The following CD109 variants were observed in gnomAD, a reference collection of about 807,000 sequenced individuals.
CD109 encodes CD109 antigen.
CD109 carries 149 observed loss-of-function variants against 165.8 expected under a neutral mutation model. The observed-to-expected ratio is 0.90, with a 90% confidence interval of 0.79 to 1.03. CD109 has a LOEUF of 1.03. Ranked by LOEUF, CD109 falls within the 50% of genes least tolerant of loss-of-function variation. The pLI is 0.00. For synonymous variants in CD109, 585 were observed against 592.1 expected, an observed-to-expected ratio of 0.99 and a Z score of 0.18; for missense variants, 1,712 against 1,677.8, an observed-to-expected ratio of 1.02 and a Z score of -0.36.
chr6:73,768,091 C>A lies in CD109; in HGVS notation c.1534C>A (p.Gln512Lys). 6.2e-7 allele frequency: 1 copy of A among 1,613,328 alleles called. No homozygotes were observed. The highest frequency in any genetic ancestry group is 8.5e-7 in the Non-Finnish European group (1 of 1,179,584). The change falls in exon 14 of 33, where the codon CAA becomes AAA. Residue 512 changes from glutamine (Q) to lysine (K), a missense_variant. Physicochemically the swap from Gln to Lys is moderately conservative, Grantham distance 53. Transcript: ENST00000287097. Reference protein sequence around the residue: ...SRGQLVAVGKQNSTMFSLTPE... With the variant: ...SRGQLVAVGKKNSTMFSLTPE... ...GGGACAGTTGGTGGCTGTAGGAAAACAAAATTCAACAATGTTCTCTTTAAC... is the reference window on the plus strand; with the variant it reads ...GGGACAGTTGGTGGCTGTAGGAAAAAAAAATTCAACAATGTTCTCTTTAAC...
Position 73,760,190 on chromosome 6 carries a change from A to G in CD109, c.758+1162A>G, listed in dbSNP as rs987936338. Among the ~76,000 whole-genome samples, 47 of 151,212 alleles carry G rather than the reference A, an allele frequency of 3.1e-4. No individual in the cohort carries two copies. In the East Asian group the frequency reaches 9.1e-3, roughly 29 times the overall value. On this transcript the variant is annotated intron_variant, in intron 7 of 32. Coordinates refer to ENST00000287097, the MANE Select transcript of CD109 (RefSeq NM_133493.5). ...TGGGAGGCCGAGGCGGGCGGGTCACAAGGTCAGGAGATCGAGACCATCTTG... is the reference window on the plus strand; with the variant it reads ...TGGGAGGCCGAGGCGGGCGGGTCACGAGGTCAGGAGATCGAGACCATCTTG...
At position 73,749,050 on chromosome 6, in the gene CD109, G is replaced by A. The variant is rs971807290; in HGVS notation, c.634-7593G>A. The stretch of plus-strand genomic sequence containing the variant: ...AATAGGTTTAGGCATAGTCAGGTTA[G>A]TAGGGATCGGAATAAAGCTAAAAAT... On this transcript the variant is annotated intron_variant, in intron 5 of 32. Transcript: ENST00000287097. 3.3e-5 allele frequency among the ~76,000 whole-genome samples: 5 copies of A among 152,330 alleles called. No individual in the cohort carries two copies. In the East Asian group the frequency reaches 9.6e-4, roughly 29 times the overall value.
chr6:73,748,495 A>G (rs1773065221), intron 5 of CD109, among the ~76,000 whole-genome samples: 1 of 152,194 alleles, frequency 6.6e-6, no homozygotes, highest in Non-Finnish European at 1.5e-5. Flanking sequence ...ACATACTCAC[A>G]TATGTGGTTA....
At chr6:73,749,387 G>A (rs1040796146) in intron 5 of CD109, among the ~76,000 whole-genome samples, 1 of 152,156 alleles carries the variant, frequency 6.6e-6, no homozygotes, top group Non-Finnish European at 1.5e-5. Context: ...TGTAGGATTT[G>A]GATGGGAAGT....
intron 3 of CD109, among the ~76,000 whole-genome samples, chr6:73,729,486 CTATTGTTATTAT>C (rs1772266254): frequency 1.5e-5 from 2 of 131,848 alleles, no homozygotes; most frequent in African/African-American, 6.1e-5. Flanking sequence ...GGTAGGACTT[CTATTGTTATTAT>C]TATTATTATT....
chr6:73,707,597 G>A (rs1771330895), intron 2 of CD109, among the ~76,000 whole-genome samples: 1 of 152,058 alleles, frequency 6.6e-6, no homozygotes, highest in Admixed American at 6.6e-5. Context: ...GCATTGTTGA[G>A]AGGATTAAAT....
intron 27 of CD109, 88 bp downstream of exon 27, chr6:73,810,262 ATATT>A: frequency 3.0e-6 from 1 of 337,842 alleles, no homozygotes; most frequent in African/African-American, 2.2e-5. Flanking sequence ...TATATAGTAT[ATATT>A]ATATAAATCA....
upstream of CD109, chr6:73,696,015 T>G: frequency 3.7e-6 from 2 of 538,800 alleles, no homozygotes; most frequent in East Asian, 3.7e-5. Context: ...AGAAGCGCCA[T>G]TGTAATGGGG....
intron 5 of CD109, among the ~76,000 whole-genome samples, chr6:73,751,555 G>C (rs9343072): frequency 0.6 from 91,422 of 151,948 alleles, 28,428 homozygotes; most frequent in East Asian, 0.85. Flanking sequence ...CTCTGATCCT[G>C]AACATTCAGG....
chr6:73,755,000 A>C (rs933419899), intron 5 of CD109, among the ~76,000 whole-genome samples: 3 of 152,194 alleles, frequency 2.0e-5, no homozygotes, highest in Non-Finnish European at 4.4e-5. Flanking sequence ...ATATGAATGA[A>C]ACTTGAGAAA....
At chr6:73,809,008 A>G (rs551031102) in intron 26 of CD109, among the ~76,000 whole-genome samples, 1 of 152,294 alleles carries the variant, frequency 6.6e-6, no homozygotes, top group East Asian at 1.9e-4. Context: ...CTTGTTACCT[A>G]TTCCAAAGCT....
chr6:73,782,701 C>T lies in CD109; in HGVS notation c.2051C>T (p.Pro684Leu). 3.1e-6 allele frequency: 5 copies of T among 1,613,850 alleles called. No individual in the cohort carries two copies. Among genetic ancestry groups the T allele is most frequent in the Non-Finnish European group, 4.2e-6 (5 of 1,179,818 alleles). The stretch of plus-strand genomic sequence containing the variant: ...CATGACTTTTCTTTGGGTAGCAGTC[C>T]ACATGTCCGAAAGCATTTTCCAGAG... ...DIHDFSLGSS[P>L]HVRKHFPETW... The change falls in exon 18 of 33, where the codon CCA becomes CTA. Residue 684 changes from proline to leucine, a missense_variant. By Grantham distance (98) the Pro-to-Leu change is moderately conservative. Transcript: ENST00000287097.
Position 73,806,830 on chromosome 6 carries a change from C to T in CD109, c.2961-14C>T, listed in dbSNP as rs1353522949. 1.3e-6 allele frequency: 2 copies of T among 1,591,776 alleles called. No homozygotes were observed. The highest frequency in any genetic ancestry group is 2.2e-5 in the East Asian group (1 of 44,624). On this transcript the variant is annotated splice_polypyrimidine_tract_variant and intron_variant, in intron 24 of 32. Transcript: ENST00000287097. ...AAAGTGTATTTTATGTAATTTTTTT[C>T]TCTTTTCATAAAGGTTGTCAGCTTT...
chr6:73,783,681 G>A (rs756335721), intron 18 of CD109, 26 bp from the exon 19 acceptor site: 5 of 1,309,512 alleles, frequency 3.8e-6, no homozygotes, highest in Non-Finnish European at 5.5e-6. Context: ...GTTTTGTGAT[G>A]TTTATATTTA....
Position 73,756,625 on chromosome 6 carries a change from T to C in CD109, c.634-18T>C, listed in dbSNP as rs780593778. On this transcript the variant is annotated intron_variant, in intron 5 of 32. Coordinates refer to ENST00000287097, the MANE Select transcript of CD109 (RefSeq NM_133493.5). ...ACTCATATACTTTCCTGTCTTTTTTTTCTCCCCTGCCCAATAGGACCAGAC... is the reference window on the plus strand; with the variant it reads ...ACTCATATACTTTCCTGTCTTTTTTCTCTCCCCTGCCCAATAGGACCAGAC... The C allele has an allele frequency of 6.6e-7, 1 of 1,523,448 alleles. No homozygotes were observed. The highest frequency in any genetic ancestry group is 8.8e-7 in the Non-Finnish European group (1 of 1,131,296). The allele number at this position is 1,523,448 out of a possible 1,614,324, so 94.4% of individuals were successfully genotyped here. A position where few individuals can be genotyped will look rare whatever the true frequency, so the allele number is the denominator to read the frequency against.
the CD109 span, among the ~76,000 whole-genome samples, chr6:73,689,262 TATAG>T: frequency 1.3e-5 from 2 of 152,216 alleles, no homozygotes; most frequent in East Asian, 3.8e-4. Context: ...AACCCCAATT[TATAG>T]CTGTTGGATC....
At chr6:73,758,685 A>C (rs1773495895) in intron 6 of CD109, among the ~76,000 whole-genome samples, 1 of 152,138 alleles carries the variant, frequency 6.6e-6, no homozygotes, top group Non-Finnish European at 1.5e-5. Flanking sequence ...TCCCAGCCTC[A>C]TACCTTAATT....
intron 5 of CD109, among the ~76,000 whole-genome samples, chr6:73,737,785 G>T (rs909300900): frequency 6.6e-6 from 1 of 152,194 alleles, no homozygotes; most frequent in African/African-American, 2.4e-5. Context: ...GGAAGAGAAC[G>T]TTATGTGTCT....
chr6:73,710,436 T>G (rs1771484771), intron 2 of CD109, among the ~76,000 whole-genome samples: 1 of 151,998 alleles, frequency 6.6e-6, no homozygotes, highest in African/African-American at 2.4e-5. Context: ...CTCAACGAAA[T>G]AAAGGAGGAC....
Sources: gnomAD v4.1 joint callset for allele counts (sites outside exome capture counted in the v4.1 genomes callset) on GRCh38, gnomAD v4.1.1 for gene constraint, MANE v1.5 for transcripts, NCBI Gene and HGNC (gene_info 2026-07-23, HGNC 2026-07-21) for gene names.